DLGAP1: variants seen among roughly 807,000 people sequenced by gnomAD.
DLGAP1 encodes DLG associated protein 1.
DLGAP1 carries 11 observed loss-of-function variants against 90.8 expected under a neutral mutation model. That is an observed-to-expected ratio of 0.12 (90% CI 0.08 to 0.20). The LOEUF (loss-of-function observed/expected upper bound fraction) is 0.20. Among genes scored for constraint, DLGAP1 ranks in the 10% least tolerant of loss-of-function variants. DLGAP1 has a pLI of 1.00. For missense variants in DLGAP1, 1,050 were observed against 1,333.8 expected (o/e 0.79, Z 3.31); for synonymous variants, 558 against 540.7 (o/e 1.03, Z -0.44).
At position 4,305,819 on chromosome 18, in the gene DLGAP1, T is replaced by C. The variant is rs372127375; in HGVS notation, c.-267+149187A>G. On this transcript the variant is annotated intron_variant, in intron 1 of 12. Transcript: ENST00000315677. ...TTATGATATTACCTATCCCTTCTAATGTTAAAACAAAACAAGCAAATCTAC... is the reference window on the plus strand; with the variant it reads ...TTATGATATTACCTATCCCTTCTAACGTTAAAACAAAACAAGCAAATCTAC... 3.5e-4 allele frequency among the ~76,000 whole-genome samples: 52 copies of C among 150,364 alleles called. 1 individual carries two copies. Among genetic ancestry groups the C allele is most frequent in the African/African-American group, 1.3e-3 (51 of 40,682 alleles).
At chr18:3,848,250 AC>A (rs1196239652) in intron 4 of DLGAP1, among the ~76,000 whole-genome samples, 3 of 151,692 alleles carry the variant, frequency 2.0e-5, no homozygotes, top group African/African-American at 4.8e-5. Flanking sequence ...TCCAGATGGT[AC>A]AATGTGAACA....
chr18:4,403,062 T>C (rs1268956072), intron 1 of DLGAP1, among the ~76,000 whole-genome samples: 2 of 152,188 alleles, frequency 1.3e-5, no homozygotes, highest in Non-Finnish European at 2.9e-5. Context: ...CTGAATAATA[T>C]TGCAAACTAA....
At chr18:3,555,099 C>T (rs2033935077) in intron 9 of DLGAP1, among the ~76,000 whole-genome samples, 1 of 152,050 alleles carries the variant, frequency 6.6e-6, no homozygotes, top group Non-Finnish European at 1.5e-5. Context: ...CCCGATATTG[C>T]TTTTTAAGAT....
chr18:4,333,298 T>G (rs1466289496), intron 1 of DLGAP1, among the ~76,000 whole-genome samples: 1 of 151,884 alleles, frequency 6.6e-6, no homozygotes. Context: ...TGGGTCACAC[T>G]GTGTTCAAGA....
chr18:4,357,933 A>C lies in DLGAP1; in HGVS notation c.-267+97073T>G, dbSNP rs1470089446. Among the ~76,000 whole-genome samples the C allele has an allele frequency of 3.9e-5, 6 of 152,254 alleles. No homozygotes were observed. In the East Asian group the frequency reaches 1.2e-3, roughly 29 times the overall value. ...GCAGAAAATCTGAAATTTGAGCCCC[A>C]GTGTAATCAGCACTGTGAGTTTGTA... On this transcript the variant is annotated intron_variant, in intron 1 of 12. Transcript: ENST00000315677.
At chr18:4,446,158 T>A (rs983258742) in intron 1 of DLGAP1, among the ~76,000 whole-genome samples, 5 of 152,084 alleles carry the variant, frequency 3.3e-5, no homozygotes, top group Admixed American at 6.6e-5. Context: ...TAAGCAATGA[T>A]GAGAACCAAT....
At chr18:3,657,406 C>T (rs1216799618) in intron 7 of DLGAP1, among the ~76,000 whole-genome samples, 2 of 152,146 alleles carry the variant, frequency 1.3e-5, no homozygotes, top group African/African-American at 4.8e-5. Context: ...TTTCATCTTT[C>T]CTGCATAACC....
chr18:3,532,001 T>TG (rs1420053462), intron 10 of DLGAP1, among the ~76,000 whole-genome samples: 2 of 152,066 alleles, frequency 1.3e-5, no homozygotes, highest in Non-Finnish European at 2.9e-5. Context: ...ATTACAGGCG[T>TG]GTGCCATTGC....
intron 3 of DLGAP1, among the ~76,000 whole-genome samples, chr18:3,913,570 G>A (rs1227347758): frequency 6.6e-6 from 1 of 152,180 alleles, no homozygotes. Flanking sequence ...CAAGATCAGA[G>A]AGAACAATTA....
intron 3 of DLGAP1, chr18:3,986,438 G>T (rs2073845034): frequency 6.6e-6 from 1 of 150,732 alleles, no homozygotes; most frequent in African/African-American, 2.4e-5. Context: ...TAAAGATGGG[G>T]TCTTGCCATG....
chr18:3,557,546 A>G (rs1459602081), intron 9 of DLGAP1, among the ~76,000 whole-genome samples: 1 of 151,908 alleles, frequency 6.6e-6, no homozygotes, highest in Non-Finnish European at 1.5e-5. Context: ...TTGTATTTCC[A>G]TTTATTTCAA....
At chr18:4,257,975 G>GTGTA (rs1456511965) in intron 1 of DLGAP1, among the ~76,000 whole-genome samples, 2 of 118,512 alleles carry the variant, frequency 1.7e-5, no homozygotes, top group African/African-American at 7.8e-5. Flanking sequence ...TTATACATAT[G>GTGTA]TGTGTGTGTG....
chr18:4,440,422 T>C (rs981468183), intron 1 of DLGAP1, among the ~76,000 whole-genome samples: 1 of 152,210 alleles, frequency 6.6e-6, no homozygotes, highest in Admixed American at 6.5e-5. Context: ...CATTTGTGGA[T>C]TTAACAGTGG....
intron 4 of DLGAP1, among the ~76,000 whole-genome samples, chr18:3,844,681 A>C (rs1306882711): frequency 2.0e-5 from 3 of 152,214 alleles, no homozygotes; most frequent in African/African-American, 7.2e-5. Flanking sequence ...TATTTTAAAA[A>C]TCCAATTTTA....
chr18:3,890,045 C>A (rs2071419638), intron 3 of DLGAP1, among the ~76,000 whole-genome samples: 5 of 152,148 alleles, frequency 3.3e-5, no homozygotes, highest in Admixed American at 3.3e-4. Context: ...AGAACCAAGG[C>A]AGGCCCACAA....
intron 1 of DLGAP1, among the ~76,000 whole-genome samples, chr18:4,228,385 C>A (rs572139318): frequency 2.9e-4 from 44 of 151,950 alleles, no homozygotes; most frequent in Non-Finnish European, 5.6e-4. Flanking sequence ...GAAGACACAT[C>A]AAGAAAAAGA....
intron 3 of DLGAP1, among the ~76,000 whole-genome samples, chr18:3,924,056 T>C (rs1306680425): frequency 6.6e-6 from 1 of 152,182 alleles, no homozygotes; most frequent in Non-Finnish European, 1.5e-5. Flanking sequence ...CTTCACATCT[T>C]TCCTCTATCT....
intron 1 of DLGAP1, among the ~76,000 whole-genome samples, chr18:4,156,833 C>T (rs564638043): frequency 6.6e-6 from 1 of 152,024 alleles, no homozygotes; most frequent in East Asian, 1.9e-4. Flanking sequence ...ATTAATAGTC[C>T]TATAAGATGA....
At chr18:3,903,703 T>A (rs1175085608) in intron 3 of DLGAP1, among the ~76,000 whole-genome samples, 2 of 152,226 alleles carry the variant, frequency 1.3e-5, no homozygotes, top group Non-Finnish European at 2.9e-5. Context: ...ATCTAAGATG[T>A]CTGTGAGTTT....
Sources: allele counts gnomAD v4.1 joint callset (sites outside exome capture counted in the v4.1 genomes callset), GRCh38; gene constraint gnomAD v4.1.1; transcripts MANE v1.5; gene names NCBI Gene and HGNC (gene_info 2026-07-23, HGNC 2026-07-21).